The following TMEM62 variants were observed in gnomAD, a reference collection of about 807,000 sequenced individuals.
TMEM62 encodes transmembrane protein 62.
In TMEM62, 41 loss-of-function variants were observed where a neutral mutation model predicts 70.4. That is an observed-to-expected ratio of 0.58 (90% CI 0.45 to 0.76). The LOEUF (loss-of-function observed/expected upper bound fraction) is 0.76, where lower values mean the gene tolerates loss of function less well. TMEM62 is among the 30% of genes least tolerant of loss of function. The probability of loss-of-function intolerance (pLI) is 0.00; values close to 1 mark genes in which losing one functional copy is unlikely to be tolerated. For missense variants in TMEM62, 688 were observed against 788.5 expected (o/e 0.87, Z 1.53); for synonymous variants, 268 against 291.0 (o/e 0.92, Z 0.80).
intron 13 of TMEM62, among the ~76,000 whole-genome samples, chr15:43,182,983 T>A (rs2041499104): frequency 6.6e-6 from 1 of 152,190 alleles, no homozygotes; most frequent in Admixed American, 6.5e-5. Context: ...TGCCTCTATA[T>A]CCAATGGCCA....
At chr15:43,149,714 G>T (rs1458471777) in intron 7 of TMEM62, among the ~76,000 whole-genome samples, 1 of 152,094 alleles carries the variant, frequency 6.6e-6, no homozygotes, top group Non-Finnish European at 1.5e-5. Context: ...GAGCCATGGC[G>T]CCTGGCCCAA....
intron 10 of TMEM62, among the ~76,000 whole-genome samples, chr15:43,164,552 G>A (rs1053321568): frequency 2.0e-5 from 3 of 151,752 alleles, no homozygotes; most frequent in African/African-American, 7.3e-5. Context: ...TAGAGACGGG[G>A]TCTCACTTTG....
chr15:43,184,121 T>C, intron 13 of TMEM62, 139 bp from the exon 14 acceptor site: 2 of 708,176 alleles, frequency 2.8e-6, no homozygotes, highest in Non-Finnish European at 4.7e-6. Flanking sequence ...GCTGTTGTGT[T>C]ATAAGCAACT....
intron 11 of TMEM62, among the ~76,000 whole-genome samples, chr15:43,171,025 G>T (rs751476545): frequency 6.6e-6 from 1 of 152,120 alleles, no homozygotes; most frequent in Non-Finnish European, 1.5e-5. Flanking sequence ...TAAAGAAACA[G>T]ATTTTAGAAT....
chr15:43,150,792 T>G (rs149305757), intron 7 of TMEM62, among the ~76,000 whole-genome samples: 18 of 152,340 alleles, frequency 1.2e-4, no homozygotes, highest in Non-Finnish European at 1.0e-4. Context: ...ACAGGCATGA[T>G]ATGTGTCACT....
chr15:43,169,655 T>G lies in TMEM62; in HGVS notation c.1359T>G (p.Tyr453Ter), dbSNP rs763421175. 1 of 1,614,154 alleles carries G rather than the reference T, an allele frequency of 6.2e-7. No homozygotes were observed. Among genetic ancestry groups the G allele is most frequent in the Non-Finnish European group, 8.5e-7 (1 of 1,179,972 alleles). The change falls in exon 11 of 14, where the codon TAT (tyrosine) becomes TAG (stop). Residue 453 changes from tyrosine to a stop codon, truncating the protein, a stop_gained. Coordinates refer to ENST00000260403, the MANE Select transcript of TMEM62 (RefSeq NM_024956.4). LOFTEE classifies it high-confidence loss of function. ...SQLTILIIFR[Y>*]RGYPELKEPS... ...TCACCATTCTCATTATTTTTAGATATCGAGGATACCCAGAGCTTAAAGGTT... is the reference window on the plus strand; with the variant it reads ...TCACCATTCTCATTATTTTTAGATAGCGAGGATACCCAGAGCTTAAAGGTT...
chr15:43,159,605 A>G (rs945280338), intron 9 of TMEM62, among the ~76,000 whole-genome samples: 4 of 152,190 alleles, frequency 2.6e-5, no homozygotes, highest in African/African-American at 9.6e-5. Flanking sequence ...ATAGTACTCT[A>G]TTATGTATAT....
At chr15:43,180,187 A>G (rs1340862697) in intron 12 of TMEM62, among the ~76,000 whole-genome samples, 2 of 152,022 alleles carry the variant, frequency 1.3e-5, no homozygotes, top group Admixed American at 6.6e-5. Context: ...CAGTGGTGCA[A>G]TCTTGGCTCA....
chr15:43,184,625 G>C lies in TMEM62; in HGVS notation c.*39G>C. 6.3e-7 allele frequency: 1 copy of C among 1,580,888 alleles called. No individual in the cohort carries two copies. The highest frequency in any genetic ancestry group is 8.6e-7 in the Non-Finnish European group (1 of 1,163,188). On this transcript the variant is annotated 3_prime_UTR_variant, in exon 14 of 14. Transcript: ENST00000260403. The stretch of plus-strand genomic sequence containing the variant: ...CCACTGGCAGCTGGGCAGAAGCCCA[G>C]CCTCTGTGTCTGTAGCCCAGGCCTC...
intron 9 of TMEM62, among the ~76,000 whole-genome samples, chr15:43,157,408 A>G (rs913273492): frequency 3.3e-5 from 5 of 152,196 alleles, no homozygotes; most frequent in Non-Finnish European, 7.4e-5. Flanking sequence ...TAGACCCTAG[A>G]AAGGTCTAAT....
intron 8 of TMEM62, among the ~76,000 whole-genome samples, chr15:43,152,558 C>T (rs1484687132): frequency 1.3e-5 from 2 of 152,092 alleles, no homozygotes; most frequent in Non-Finnish European, 2.9e-5. Flanking sequence ...CCACGCCTGG[C>T]TAATTTTTGT....
chr15:43,177,859 CA>C (rs1215790820), intron 11 of TMEM62, among the ~76,000 whole-genome samples: 1 of 150,864 alleles, frequency 6.6e-6, no homozygotes, highest in Non-Finnish European at 1.5e-5. Flanking sequence ...GGGGTGGGGT[CA>C]GGGGGAGGGA....
chr15:43,148,149 T>C (rs1202974710), intron 5 of TMEM62, among the ~76,000 whole-genome samples: 3 of 152,238 alleles, frequency 2.0e-5, no homozygotes, highest in Non-Finnish European at 4.4e-5. Flanking sequence ...TGATTGGTTT[T>C]CTATCAGTAT....
At chr15:43,161,131 TG>T (rs796862067) in intron 10 of TMEM62, among the ~76,000 whole-genome samples, 36 of 152,200 alleles carry the variant, frequency 2.4e-4, no homozygotes, top group African/African-American at 8.7e-4. Flanking sequence ...AGGCATCCAC[TG>T]GGGGGGACTT....
chr15:43,147,170 G>A (rs1240780566), intron 5 of TMEM62, among the ~76,000 whole-genome samples: 1 of 152,126 alleles, frequency 6.6e-6, no homozygotes, highest in Non-Finnish European at 1.5e-5. Flanking sequence ...CGCCATGTTG[G>A]CCAGGGTGGT....
intron 10 of TMEM62, among the ~76,000 whole-genome samples, chr15:43,161,748 C>T (rs538076819): frequency 6.6e-6 from 1 of 152,160 alleles, no homozygotes; most frequent in African/African-American, 2.4e-5. Flanking sequence ...GCAACCTCCA[C>T]CTCCTGGGTT....
At chr15:43,151,319 GA>G (rs896405823) in intron 7 of TMEM62, among the ~76,000 whole-genome samples, 2,767 of 53,422 alleles carry the variant, frequency 0.052, 67 homozygotes, top group African/African-American at 0.13. Flanking sequence ...TCAAAAATAA[GA>G]AAAAAAAAAA....
At chr15:43,143,289 TGACCTCAA>T (rs941938792) in intron 4 of TMEM62, among the ~76,000 whole-genome samples, 28 of 152,228 alleles carry the variant, frequency 1.8e-4, no homozygotes, top group African/African-American at 6.8e-4. Context: ...CTCAAACTCC[TGACCTCAA>T]GTGATCTGCC....
At chr15:43,156,158 C>T (rs563855340) in intron 9 of TMEM62, among the ~76,000 whole-genome samples, 1 of 152,204 alleles carries the variant, frequency 6.6e-6, no homozygotes, top group East Asian at 1.9e-4. Flanking sequence ...TTTCAGAAAA[C>T]ATATGTAGTT....
Sources: allele counts gnomAD v4.1 joint callset (sites outside exome capture counted in the v4.1 genomes callset), GRCh38; gene constraint gnomAD v4.1.1; transcripts MANE v1.5; gene names NCBI Gene and HGNC (gene_info 2026-07-23, HGNC 2026-07-21).